The following GADD45A variants were observed in gnomAD, a reference collection of about 807,000 sequenced individuals.
GADD45A encodes the protein growth arrest and DNA damage-inducible protein GADD45 alpha.
Under a neutral mutation model 17.7 loss-of-function variants are expected in GADD45A, and 9 were observed. That is an observed-to-expected ratio of 0.51 (90% CI 0.31 to 0.89). The LOEUF is 0.89. GADD45A is among the 40% of genes least tolerant of loss of function. The probability of loss-of-function intolerance (pLI) is 0.05; values close to 1 mark genes in which losing one functional copy is unlikely to be tolerated. For synonymous variants in GADD45A, 95 were observed against 92.2 expected, an observed-to-expected ratio of 1.03 and a Z score of -0.17; for missense variants, 149 against 220.6, an observed-to-expected ratio of 0.68 and a Z score of 2.06.
At position 67,685,330 on chromosome 1, in the gene GADD45A, A is replaced by C; in HGVS notation, c.-165A>C. ...TGGCCGGAGCTGCGGCGGCTGGCAC[A>C]GGAGGAGGAGCCCGGGCGGGCGAGG... On this transcript the variant is annotated 5_prime_UTR_variant, in exon 1 of 4. Coordinates refer to ENST00000370986, the MANE Select transcript of GADD45A (RefSeq NM_001924.4). 1.7e-6 allele frequency: 1 copy of C among 579,998 alleles called. No homozygotes were observed. The highest frequency in any genetic ancestry group is 2.2e-5 in the South Asian group (1 of 46,002). The allele number at this position is 579,998 out of a possible 1,614,324, so 35.9% of individuals were successfully genotyped here.
chr1:67,687,726 T>C lies in GADD45A; in HGVS notation c.450T>C (p.Ser150=), dbSNP rs1439011151. ...AACTTATTTGTTTTTGCCGGGAAAG[T>C]CGCTACATGGATCAATGGGTTCCAG... ...LSQLICFCRE[S]RYMDQWVPVI... is the part of the protein sequence containing the mutation. The change falls in exon 4 of 4, where the codon AGT becomes AGC. Residue 150 remains serine (S), a synonymous_variant. Coordinates refer to ENST00000370986, the MANE Select transcript of GADD45A (RefSeq NM_001924.4). 2 of 1,613,280 alleles carry C rather than the reference T, an allele frequency of 1.2e-6. No homozygotes were observed. The highest frequency in any genetic ancestry group is 2.2e-5 in the East Asian group (1 of 44,876).
chr1:67,686,313 C>T (rs1256707679), intron 2 of GADD45A, 37 bp from the exon 3 acceptor site: 1 of 1,582,620 alleles, frequency 6.3e-7, no homozygotes, highest in Non-Finnish European at 8.6e-7. Context: ...AGGGCGCCCG[C>T]GCTTCTGCGC....
At chr1:67,686,166 C>T (rs776939573) in intron 2 of GADD45A, 40 bp downstream of exon 2, 3 of 1,530,880 alleles carry the variant, frequency 2.0e-6, no homozygotes, top group Non-Finnish European at 2.7e-6. Flanking sequence ...GCACCCCTTC[C>T]CGCCCCAGCC....
At chr1:67,686,290 C>A in intron 2 of GADD45A, 60 bp from the exon 3 acceptor site, 1 of 1,501,826 alleles carries the variant, frequency 6.7e-7, no homozygotes, top group East Asian at 2.4e-5. Context: ...CCCAGGGACC[C>A]GGGCAGTGGT....
At chr1:67,687,457 T>C (rs1646143644) in intron 3 of GADD45A, among the ~76,000 whole-genome samples, 1 of 152,210 alleles carries the variant, frequency 6.6e-6, no homozygotes, top group Non-Finnish European at 1.5e-5. Context: ...GACTTTGCAA[T>C]GTGTAGTTTA....
rs1268409401 is a variant in GADD45A at position 67,686,534 on chromosome 1, G to C, written c.331G>C (p.Ala111Pro). 1.2e-6 allele frequency: 2 copies of C among 1,612,460 alleles called. No homozygotes were observed. The highest frequency in any genetic ancestry group is 2.2e-5 in the South Asian group (2 of 91,022). ...GCTCTTGGAGACCGACGCTGGCCCC[G>C]CGGCGAGCGAGGGCGCCGAGCAGCC... ...LLLLETDAGP[A>P]ASEGAEQPPD... The change falls in exon 3 of 4, where the codon GCG (alanine) becomes CCG (proline). Residue 111 changes from alanine (A) to proline (P), a missense_variant. Coordinates refer to ENST00000370986, the MANE Select transcript of GADD45A (RefSeq NM_001924.4).
In GADD45A at chr1:67,685,521, A is replaced by C. The variant is rs532285587; in HGVS notation, c.27A>C (p.Gly9=). 3.7e-6 allele frequency: 6 copies of C among 1,610,226 alleles called. No individual in the cohort carries two copies. In the African/African-American group the frequency reaches 8.0e-5, roughly 21 times the overall value. The change falls in exon 1 of 4, where the codon GGA becomes GGC. Residue 9 remains glycine, a synonymous_variant. Transcript: ENST00000370986. MTLEEFSA[G]EQKTERMDKV... ...TGACTTTGGAGGAATTCTCGGCTGG[A>C]GAGCAGAAGACCGAAAGGTGAGTCG...
At chr1:67,687,230 T>C (rs1646140951) in intron 3 of GADD45A, among the ~76,000 whole-genome samples, 1 of 152,230 alleles carries the variant, frequency 6.6e-6, no homozygotes, top group Non-Finnish European at 1.5e-5. Context: ...TTAAAAGTAC[T>C]ATTCTGTCTC....
chr1:67,687,867 A>C lies in GADD45A; in HGVS notation c.*93A>C. 6 of 824,834 alleles carry C rather than the reference A, an allele frequency of 7.3e-6. No individual in the cohort carries two copies. Among genetic ancestry groups the C allele is most frequent in the Middle Eastern group, 3.5e-4 (1 of 2,840 alleles). The allele number at this position is 824,834 out of a possible 1,614,324, so 51.1% of individuals were successfully genotyped here. On this transcript the variant is annotated 3_prime_UTR_variant, in exon 4 of 4. Transcript: ENST00000370986. ...AAGCAGTTACTCCCTACACTGATGCAAGGATTACAGAAACTGATGCCAAGG... is the reference window on the plus strand; with the variant it reads ...AAGCAGTTACTCCCTACACTGATGCCAGGATTACAGAAACTGATGCCAAGG...
chr1:67,685,426 C>T lies in GADD45A; in HGVS notation c.-69C>T. ...TGAGTGAGTGCAGAAAGCAGGCGCC[C>T]GCGCGCTAGCCGTGGCAGGAGCAGC... On this transcript the variant is annotated 5_prime_UTR_variant, in exon 1 of 4. Coordinates refer to ENST00000370986, the MANE Select transcript of GADD45A (RefSeq NM_001924.4). 1.3e-6 allele frequency: 2 copies of T among 1,493,292 alleles called. No individual in the cohort carries two copies. Among genetic ancestry groups the T allele is most frequent in the Non-Finnish European group, 1.8e-6 (2 of 1,091,862 alleles). The allele number at this position is 1,493,292 out of a possible 1,614,324, so 92.5% of individuals were successfully genotyped here.
rs766967108 is a variant in GADD45A, at chr1:67,687,811, T to C, written c.*37T>C. 3 of 1,287,328 alleles carry C rather than the reference T, an allele frequency of 2.3e-6. No individual in the cohort carries two copies. Among genetic ancestry groups the C allele is most frequent in the South Asian group, 2.4e-5 (2 of 84,500 alleles). 79.7% of individuals were successfully genotyped at this position (1,287,328 alleles called of 1,614,324 possible). ...TGAAAATAACTGAACCAAATTGCAC[T>C]GAAGTTTTTGAAATACCTTTGTAGT... On this transcript the variant is annotated 3_prime_UTR_variant, in exon 4 of 4. Coordinates refer to ENST00000370986, the MANE Select transcript of GADD45A (RefSeq NM_001924.4).
rs1311063171 is a variant in GADD45A at position 67,686,094 on chromosome 1, C to T, written c.114C>T (p.Val38=). 1.2e-6 allele frequency: 2 copies of T among 1,610,738 alleles called. No individual in the cohort carries two copies. Among genetic ancestry groups the T allele is most frequent in the Admixed American group, 1.7e-5 (1 of 59,704 alleles). ...SKALSQRTIT[V]GVYEAAKLLN... is the part of the protein sequence containing the mutation. ...CCCTGAGTCAGCGCACGATCACTGT[C>T]GGGGTGTACGAAGCGGCCAAGCTGC... The change falls in exon 2 of 4, where the codon GTC becomes GTT. Residue 38 remains valine (V), a synonymous_variant. Transcript: ENST00000370986.
chr1:67,686,158 A>T, intron 2 of GADD45A, 32 bp downstream of exon 2: 1 of 1,550,924 alleles, frequency 6.4e-7, no homozygotes, highest in East Asian at 2.4e-5. Flanking sequence ...CCCCCATGGC[A>T]CCCCTTCCCG....
intron 2 of GADD45A, 84 bp downstream of exon 2, chr1:67,686,210 G>A: frequency 3.6e-6 from 5 of 1,381,684 alleles, no homozygotes; most frequent in Non-Finnish European, 4.0e-6. Context: ...CCCCTCGCCC[G>A]GCCGCGCCAC....
intron 1 of GADD45A, 65 bp from the exon 2 acceptor site, chr1:67,685,960 G>C: frequency 9.5e-7 from 1 of 1,047,764 alleles, no homozygotes. Context: ...TACCGGACGA[G>C]GGGGGCGGCG....
chr1:67,686,266 G>A, intron 2 of GADD45A, 84 bp from the exon 3 acceptor site: 1 of 1,403,330 alleles, frequency 7.1e-7, no homozygotes, highest in Non-Finnish European at 9.7e-7. Context: ...GGGCGAGCGG[G>A]CCGGGCGGCG....
chr1:67,686,645 G>T, intron 3 of GADD45A, 58 bp downstream of exon 3: 2 of 1,464,692 alleles, frequency 1.4e-6, no homozygotes, highest in Non-Finnish European at 9.3e-7. Flanking sequence ...CGGGAGTCAG[G>T]GCTGGGTTGC....
rs1180117647 is a variant in GADD45A, at chr1:67,686,643, AG to A, written c.384+59del. The A allele has an allele frequency of 2.0e-5, 30 of 1,475,364 alleles. No homozygotes were observed. The East Asian group carries it at 6.0e-4, about 29-fold the overall frequency. 91.4% of individuals were successfully genotyped at this position (1,475,364 alleles called of 1,614,324 possible). On this transcript the variant is annotated intron_variant, in intron 3 of 3. Coordinates refer to ENST00000370986, the MANE Select transcript of GADD45A (RefSeq NM_001924.4). ...GTAGAGCCCCGGAAGGACGGGAGTC[AG>A]GGCTGGGTTGCCTGATTGTGGATCT...
intron 3 of GADD45A, 148 bp downstream of exon 3, chr1:67,686,735 G>A: frequency 1.5e-6 from 1 of 653,592 alleles, no homozygotes; most frequent in Non-Finnish European, 2.6e-6. Context: ...ACTTTCAGCC[G>A]AGATGTGCTA....
Sources: allele counts gnomAD v4.1 joint callset (sites outside exome capture counted in the v4.1 genomes callset), GRCh38; gene constraint gnomAD v4.1.1; transcripts MANE v1.5; gene names NCBI Gene and HGNC (gene_info 2026-07-23, HGNC 2026-07-21).